Variants in PAPPA observed in about 807,000 individuals in gnomAD.
The protein encoded by PAPPA is pappalysin-1.
Under a neutral mutation model 164.0 loss-of-function variants are expected in PAPPA, and 60 were observed. The observed-to-expected ratio is 0.37, with a 90% CI of 0.30 to 0.45. The LOEUF is 0.45. PAPPA is among the 20% of genes least tolerant of loss of function. The pLI, the probability that PAPPA is intolerant of heterozygous loss-of-function variation, is 1.00. For missense variants in PAPPA, 1,782 were observed against 2,087.3 expected (o/e 0.85, Z 2.85); for synonymous variants, 875 against 814.1 (o/e 1.07, Z -1.27).
chr9:116,351,986 T>A (rs1846288099), intron 15 of PAPPA, among the ~76,000 whole-genome samples: 2 of 152,232 alleles, frequency 1.3e-5, no homozygotes, highest in African/African-American at 4.8e-5. Flanking sequence ...CGATAATATA[T>A]GAGCTGGCAG....
chr9:116,351,849 G>A (rs1236681876), intron 15 of PAPPA, among the ~76,000 whole-genome samples: 1 of 152,090 alleles, frequency 6.6e-6, no homozygotes, highest in Non-Finnish European at 1.5e-5. Context: ...CCGAGCCCCC[G>A]ACATGTTTCC....
intron 10 of PAPPA, among the ~76,000 whole-genome samples, chr9:116,325,415 G>A (rs1035595585): frequency 1.3e-5 from 2 of 152,200 alleles, no homozygotes; most frequent in African/African-American, 4.8e-5. Context: ...CAACTGCAGA[G>A]GGGGAATCGG....
intron 2 of PAPPA, among the ~76,000 whole-genome samples, chr9:116,201,215 G>T (rs1007428435): frequency 2.6e-5 from 4 of 152,198 alleles, no homozygotes; most frequent in African/African-American, 9.6e-5. Context: ...TTTGGAACAA[G>T]GATATGGATG....
chr9:116,181,229 C>A (rs1330138425), intron 1 of PAPPA, among the ~76,000 whole-genome samples: 2 of 152,206 alleles, frequency 1.3e-5, no homozygotes, highest in African/African-American at 2.4e-5. Context: ...GGACCCCAGC[C>A]TGGCTGGCTT....
Position 116,400,559 on chromosome 9 carries a change from TG to T in PAPPA, c.*3946del, listed in dbSNP as rs1415130148. On this transcript the variant is annotated 3_prime_UTR_variant, in exon 22 of 22. Transcript: ENST00000328252. Reference sequence around the variant, plus strand: ...ATGTTTATATTTACCAGTACAGCACTGGGCTTTATAAAGACTGCACTCAGAA... The same window carrying T: ...ATGTTTATATTTACCAGTACAGCACTGGCTTTATAAAGACTGCACTCAGAA... 2 of 152,214 alleles carry T rather than the reference TG, an allele frequency of 1.3e-5. No homozygotes were observed. The highest frequency in any genetic ancestry group is 2.9e-5 in the Non-Finnish European group (2 of 68,038). The allele number at this position is 152,214 out of a possible 1,614,324, so 9.4% of individuals were successfully genotyped here. A position where few individuals can be genotyped will look rare whatever the true frequency, so the allele number is the denominator to read the frequency against.
At chr9:116,239,130 A>G (rs1483021297) in intron 7 of PAPPA, among the ~76,000 whole-genome samples, 2 of 152,030 alleles carry the variant, frequency 1.3e-5, no homozygotes, top group African/African-American at 4.8e-5. Context: ...TCTGTTATCT[A>G]CACTGGAGAT....
chr9:116,255,817 GT>G (rs1436167079), intron 7 of PAPPA, among the ~76,000 whole-genome samples: 2 of 151,902 alleles, frequency 1.3e-5, no homozygotes, highest in Non-Finnish European at 2.9e-5. Flanking sequence ...GAAAAAATAT[GT>G]ATATGCATAT....
chr9:116,249,138 G>C (rs1014022667), intron 7 of PAPPA, among the ~76,000 whole-genome samples: 3 of 152,204 alleles, frequency 2.0e-5, no homozygotes, highest in African/African-American at 7.2e-5. Context: ...CCTTTCAGGA[G>C]CTTAGTCTAC....
At chr9:116,276,672 A>G (rs1845202485) in intron 9 of PAPPA, among the ~76,000 whole-genome samples, 1 of 152,222 alleles carries the variant, frequency 6.6e-6, no homozygotes, top group Non-Finnish European at 1.5e-5. Flanking sequence ...CGTCTTTCCC[A>G]GACGTGGAGG....
chr9:116,352,332 G>C (rs1387701968), intron 15 of PAPPA, among the ~76,000 whole-genome samples: 1 of 152,196 alleles, frequency 6.6e-6, no homozygotes, highest in Non-Finnish European at 1.5e-5. Flanking sequence ...GGGAGTTTTT[G>C]CTGCCAAGTA....
chr9:116,384,945 A>G (rs917797904), intron 21 of PAPPA, among the ~76,000 whole-genome samples: 1 of 152,202 alleles, frequency 6.6e-6, no homozygotes. Flanking sequence ...GTACTAAAAT[A>G]TAAAATATGA....
chr9:116,255,819 A>T (rs1301687035), intron 7 of PAPPA, among the ~76,000 whole-genome samples: 1 of 151,934 alleles, frequency 6.6e-6, no homozygotes, highest in African/African-American at 2.4e-5. Flanking sequence ...AAAAATATGT[A>T]TATGCATATG....
chr9:116,186,293 T>G (rs73654666), intron 1 of PAPPA, among the ~76,000 whole-genome samples: 45 of 150,278 alleles, frequency 3.0e-4, no homozygotes, highest in African/African-American at 7.8e-4. Flanking sequence ...TATAGATATA[T>G]ATAGACAGAG....
At chr9:116,180,279 CT>C (rs1843888162) in intron 1 of PAPPA, among the ~76,000 whole-genome samples, 1 of 151,936 alleles carries the variant, frequency 6.6e-6, no homozygotes, top group South Asian at 2.1e-4. Context: ...ACATTAGAGC[CT>C]TCATGGTGGA....
Position 116,265,842 on chromosome 9 carries a change from C to T in PAPPA, c.2733-15C>T, listed in dbSNP as rs1240419834. 6.3e-7 allele frequency: 1 copy of T among 1,583,344 alleles called. No homozygotes were observed. Among genetic ancestry groups the T allele is most frequent in the African/African-American group, 1.3e-5 (1 of 74,328 alleles). ...TATTGTAATTGTATAATTATGTCTT[C>T]TTTGTATTTTCCAGGGATCTAAATC... is the stretch of plus-strand genomic sequence containing the variant. On this transcript the variant is annotated splice_polypyrimidine_tract_variant and intron_variant, in intron 7 of 21. Transcript: ENST00000328252.
In PAPPA at chr9:116,249,710, A is replaced by C. The variant is rs555369174; in HGVS notation, c.2732+14073A>C. Among the ~76,000 whole-genome samples the C allele has an allele frequency of 2.6e-5, 4 of 152,268 alleles. No individual in the cohort carries two copies. In the East Asian group the frequency reaches 7.7e-4, roughly 29 times the overall value. ...TATTAATGGGATAAAATACTTGGAA[A>C]ACTAATCAAAAGGAGGAGGCAGGTG... On this transcript the variant is annotated intron_variant, in intron 7 of 21. Transcript: ENST00000328252.
At chr9:116,159,074 C>A (rs1188214479) in intron 1 of PAPPA, among the ~76,000 whole-genome samples, 1 of 152,242 alleles carries the variant, frequency 6.6e-6, no homozygotes, top group Non-Finnish European at 1.5e-5. Context: ...TAAATCTCAA[C>A]TGAAGCCCTG....
chr9:116,340,155 T>C (rs1379131958), intron 13 of PAPPA, among the ~76,000 whole-genome samples: 5 of 152,228 alleles, frequency 3.3e-5, no homozygotes, highest in African/African-American at 4.8e-5. Context: ...GTTATTTTTA[T>C]TGACTGCCCA....
rs374109701 is a variant in PAPPA at position 116,187,304 on chromosome 9, G to A, written c.566G>A (p.Arg189His). The A allele has an allele frequency of 1.6e-4, 252 of 1,614,010 alleles. No individual in the cohort carries two copies. The highest frequency in any genetic ancestry group is 2.0e-4 in the Non-Finnish European group (235 of 1,180,040). ...ARQVTTINAH[R>H]SYLPGQWVYL... ...CAAGTGACCACCATCAATGCCCACC[G>A]CAGCTACCTCCCAGGCCAGTGGGTA... The change falls in exon 2 of 22, where the codon CGC becomes CAC. Residue 189 changes from arginine (R) to histidine (H), a missense_variant. Coordinates refer to ENST00000328252, the MANE Select transcript of PAPPA (RefSeq NM_002581.5). This position sits in a 1 kb window ranked among gnomAD's most constrained non-coding sequence, Gnocchi z 4.2.
Sources: allele counts gnomAD v4.1 joint callset (sites outside exome capture counted in the v4.1 genomes callset), GRCh38; gene constraint gnomAD v4.1.1; non-coding constraint Gnocchi (gnomAD v3.1); transcripts MANE v1.5; gene names NCBI Gene and HGNC (gene_info 2026-07-23, HGNC 2026-07-21).